ZNF407: variants seen among roughly 807,000 people sequenced by gnomAD.
ZNF407 encodes the protein zinc finger protein 407.
Under a neutral mutation model 131.2 loss-of-function variants are expected in ZNF407, and 17 were observed. The ratio of observed to expected loss-of-function variants is 0.13; its 90% CI spans 0.09 to 0.19. The LOEUF (loss-of-function observed/expected upper bound fraction) is 0.19. Ranked by LOEUF, ZNF407 falls within the 10% of genes least tolerant of loss-of-function variation. ZNF407 has a pLI of 1.00. For synonymous variants in ZNF407, 1,156 were observed against 1,062.0 expected (o/e 1.09, Z -1.72); for missense variants, 2,681 against 2,830.6 (o/e 0.95, Z 1.20).
At chr18:74,897,426 T>C (rs1971467131) in intron 7 of ZNF407, among the ~76,000 whole-genome samples, 1 of 152,232 alleles carries the variant, frequency 6.6e-6, no homozygotes, top group South Asian at 2.1e-4. Flanking sequence ...TTCCGTCTGC[T>C]ATCTCTTTAA....
chr18:74,936,468 G>A (rs968308742), intron 8 of ZNF407, among the ~76,000 whole-genome samples: 8 of 152,120 alleles, frequency 5.3e-5, no homozygotes, highest in African/African-American at 1.4e-4. Flanking sequence ...CTGCCCCTGC[G>A]CATTTAGGCT....
chr18:74,612,893 G>A (rs533963770), intron 1 of ZNF407, among the ~76,000 whole-genome samples: 1 of 152,254 alleles, frequency 6.6e-6, no homozygotes, highest in South Asian at 2.1e-4. Context: ...GAGAGACAGA[G>A]GGAAGAAAAC....
intron 3 of ZNF407, among the ~76,000 whole-genome samples, chr18:74,697,694 C>T (rs1967391316): frequency 6.6e-6 from 1 of 151,998 alleles, no homozygotes; most frequent in Non-Finnish European, 1.5e-5. Flanking sequence ...AAAAAACCTA[C>T]TTAATTAAAA....
intron 3 of ZNF407, among the ~76,000 whole-genome samples, chr18:74,731,572 G>A (rs1036531645): frequency 1.3e-5 from 2 of 152,200 alleles, no homozygotes; most frequent in Admixed American, 6.5e-5. Context: ...GAGTAATGAA[G>A]TCAGAAAACT....
rs1225570486 is a variant in ZNF407 at position 74,904,239 on chromosome 18, A to G, written c.5249+14201A>G. Among the ~76,000 whole-genome samples the G allele has an allele frequency of 3.3e-5, 5 of 152,334 alleles. No homozygotes were observed. The East Asian group carries it at 5.8e-4, about 18-fold the overall frequency. On this transcript the variant is annotated intron_variant, in intron 7 of 8. Coordinates refer to ENST00000299687, the MANE Select transcript of ZNF407 (RefSeq NM_017757.3). ...ACTTACTAAGTTTTATTTTACTTCT[A>G]TGAGCATTTAGCGTGGTGAGGATAT...
At chr18:74,669,465 G>T (rs141500318) in intron 3 of ZNF407, among the ~76,000 whole-genome samples, 3 of 152,132 alleles carry the variant, frequency 2.0e-5, no homozygotes, top group African/African-American at 7.2e-5. Context: ...TTAGGGTAGC[G>T]TTCCCAATCA....
intron 8 of ZNF407, among the ~76,000 whole-genome samples, chr18:74,970,991 C>T (rs951035501): frequency 6.6e-6 from 1 of 152,236 alleles, no homozygotes; most frequent in Non-Finnish European, 1.5e-5. Context: ...GACTTCTGTG[C>T]ACTCGCAGGC....
chr18:75,009,917 A>G (rs1972954764), intron 8 of ZNF407, among the ~76,000 whole-genome samples: 1 of 152,204 alleles, frequency 6.6e-6, no homozygotes, highest in Non-Finnish European at 1.5e-5. Context: ...AGAAATCCCA[A>G]TTATTTGTTT....
At chr18:74,661,261 A>G (rs983000174) in intron 3 of ZNF407, among the ~76,000 whole-genome samples, 2 of 151,978 alleles carry the variant, frequency 1.3e-5, no homozygotes, top group African/African-American at 4.8e-5. Flanking sequence ...GAGTCATTTT[A>G]TGTTGTACAC....
intron 1 of ZNF407, among the ~76,000 whole-genome samples, chr18:74,601,341 G>A (rs1346811498): frequency 6.6e-5 from 10 of 151,268 alleles, no homozygotes; most frequent in African/African-American, 2.4e-4. Context: ...GTGTGTGTGT[G>A]TGTGTGTGTG....
At chr18:74,889,540 C>G (rs1440699567) in intron 6 of ZNF407, among the ~76,000 whole-genome samples, 1 of 152,164 alleles carries the variant, frequency 6.6e-6, no homozygotes, top group South Asian at 2.1e-4. Context: ...CACAGTATAT[C>G]TCTGTTATAT....
intron 8 of ZNF407, among the ~76,000 whole-genome samples, chr18:74,928,573 A>G (rs1971942689): frequency 6.6e-6 from 1 of 152,234 alleles, no homozygotes; most frequent in Non-Finnish European, 1.5e-5. Flanking sequence ...GTCAAAAAAT[A>G]TATTTTGGAG....
chr18:74,643,526 A>G (rs1984820086), intron 3 of ZNF407, among the ~76,000 whole-genome samples: 1 of 152,016 alleles, frequency 6.6e-6, no homozygotes, highest in Admixed American at 6.6e-5. Flanking sequence ...TTTCTCAAAT[A>G]GTCTTGATTA....
At chr18:74,852,068 G>A (rs1306643939) in intron 4 of ZNF407, among the ~76,000 whole-genome samples, 1 of 152,128 alleles carries the variant, frequency 6.6e-6, no homozygotes, top group East Asian at 1.9e-4. Context: ...ACGGGAGCAT[G>A]GACAGGCGCC....
chr18:74,999,709 AAT>A (rs1461512657), intron 8 of ZNF407, among the ~76,000 whole-genome samples: 4 of 152,254 alleles, frequency 2.6e-5, no homozygotes, highest in Non-Finnish European at 4.4e-5. Context: ...AATTTATATG[AAT>A]ATGAGTCACT....
chr18:74,849,603 G>A (rs1328671503), intron 4 of ZNF407, among the ~76,000 whole-genome samples: 2 of 152,050 alleles, frequency 1.3e-5, no homozygotes, highest in South Asian at 4.2e-4. Context: ...AAACAGTAGC[G>A]GTGCCCTGTC....
intron 6 of ZNF407, among the ~76,000 whole-genome samples, chr18:74,887,008 T>A (rs777573296): frequency 2.6e-5 from 4 of 152,210 alleles, no homozygotes; most frequent in Non-Finnish European, 4.4e-5. Flanking sequence ...TTTCTGTTTC[T>A]CATGTGTACA....
At chr18:75,050,650 T>G (rs1482130536) in intron 8 of ZNF407, among the ~76,000 whole-genome samples, 1 of 152,258 alleles carries the variant, frequency 6.6e-6, no homozygotes. Flanking sequence ...AGCTTGCCTG[T>G]TCTCTGTCCA....
intron 3 of ZNF407, among the ~76,000 whole-genome samples, chr18:74,754,815 T>C: frequency 6.6e-6 from 1 of 152,202 alleles, no homozygotes; most frequent in African/African-American, 2.4e-5. Context: ...CTGAGAAGAA[T>C]GTATATTCTG....
Sources: gnomAD v4.1 joint callset for allele counts (sites outside exome capture counted in the v4.1 genomes callset) on GRCh38, gnomAD v4.1.1 for gene constraint, MANE v1.5 for transcripts, NCBI Gene and HGNC (gene_info 2026-07-23, HGNC 2026-07-21) for gene names.